Variants in PUM1 observed in about 807,000 individuals in gnomAD.
PUM1 encodes the protein pumilio RNA binding family member 1, also known as pumilio homolog 1.
PUM1 carries 13 observed loss-of-function variants against 131.8 expected under a neutral mutation model. That is an observed-to-expected ratio of 0.10 (90% CI 0.06 to 0.16). PUM1 has a LOEUF of 0.16. Among genes scored for constraint, PUM1 ranks in the 10% least tolerant of loss-of-function variants. The pLI is 1.00. For synonymous variants in PUM1, 509 were observed against 556.5 expected, an observed-to-expected ratio of 0.91 and a Z score of 1.20; for missense variants, 961 against 1,512.4, an observed-to-expected ratio of 0.64 and a Z score of 6.05.
chr1:30,987,763 G>A (rs1641624397), intron 7 of PUM1, among the ~76,000 whole-genome samples: 1 of 152,154 alleles, frequency 6.6e-6, no homozygotes, highest in Non-Finnish European at 1.5e-5. Context: ...GTACTTGGGT[G>A]GGTAATACTG....
Position 30,945,365 on chromosome 1 carries a change from A to G in PUM1, c.2975T>C (p.Ile992Thr). The change falls in exon 18 of 22, where the codon ATC becomes ACC. Residue 992 changes from isoleucine (I) to threonine (T), a missense_variant. This residue lies in a region of PUM1 where 178 missense variants were observed against 327.5 expected (regional missense o/e 0.54). Coordinates refer to ENST00000426105, the MANE Select transcript of PUM1 (RefSeq NM_001020658.2). ...ACTTACCTGTCCCTTAAACGCATCG[A>G]TGATAAATTGCAAAGACTGGGGCTG... ...CVQPQSLQFI[I>T]DAFKGQVFAL... is the part of the protein sequence containing the mutation. 6 of 1,614,196 alleles carry G rather than the reference A, an allele frequency of 3.7e-6. No individual in the cohort carries two copies. Among genetic ancestry groups the G allele is most frequent in the Non-Finnish European group, 5.1e-6 (6 of 1,180,028 alleles).
intron 2 of PUM1, among the ~76,000 whole-genome samples, chr1:31,051,267 G>A (rs978617735): frequency 6.6e-6 from 1 of 150,956 alleles, no homozygotes; most frequent in Non-Finnish European, 1.5e-5. Context: ...AGAAAAAGAA[G>A]GTACAAGTGG....
At chr1:31,056,136 G>A (rs1367925764) in intron 2 of PUM1, among the ~76,000 whole-genome samples, 2 of 152,108 alleles carry the variant, frequency 1.3e-5, no homozygotes, top group East Asian at 3.9e-4. Flanking sequence ...AACTCAACAG[G>A]TGTCCTATCA....
intron 5 of PUM1, among the ~76,000 whole-genome samples, chr1:31,002,828 T>C (rs1270777598): frequency 6.6e-6 from 1 of 152,208 alleles, no homozygotes; most frequent in African/African-American, 2.4e-5. Context: ...TTAGCCAGAA[T>C]GTATTCTTAT....
At chr1:30,947,145 A>G (rs1230085805) in intron 17 of PUM1, among the ~76,000 whole-genome samples, 1 of 152,228 alleles carries the variant, frequency 6.6e-6, no homozygotes, top group Non-Finnish European at 1.5e-5. Flanking sequence ...ACAAAACTAT[A>G]GACCTAGATT....
At chr1:31,038,986 T>TATATATATATATATATA (rs1557599381) in intron 2 of PUM1, among the ~76,000 whole-genome samples, 5 of 27,456 alleles carry the variant, frequency 1.8e-4, no homozygotes, top group African/African-American at 1.8e-3. Flanking sequence ...ATATATATAT[T>TATATATATATATATATA]TTTTTTTTTT....
intron 15 of PUM1, 77 bp downstream of exon 15, chr1:30,953,637 G>T: frequency 6.7e-7 from 1 of 1,490,736 alleles, no homozygotes; most frequent in Non-Finnish European, 9.2e-7. Context: ...ATTTATTTAA[G>T]TAGATACCCA....
chr1:31,011,201 ACACT>A lies in PUM1; in HGVS notation c.433-4103_433-4100del, dbSNP rs771774691. Among the ~76,000 whole-genome samples the A allele has an allele frequency of 2.3e-4, 34 of 149,222 alleles. 1 individual carries two copies. Among genetic ancestry groups the A allele is most frequent in the Middle Eastern group, 3.4e-3 (1 of 290 alleles). The stretch of plus-strand genomic sequence containing the variant: ...CACACACACACACACACACACACAC[ACACT>A]GTGCTGTTTTAAGCCACTAAATTTT... On this transcript the variant is annotated intron_variant, in intron 3 of 21. Coordinates refer to ENST00000426105, the MANE Select transcript of PUM1 (RefSeq NM_001020658.2).
At chr1:31,006,764 G>A (rs1642412986) in intron 4 of PUM1, among the ~76,000 whole-genome samples, 1 of 152,186 alleles carries the variant, frequency 6.6e-6, no homozygotes, top group South Asian at 2.1e-4. Flanking sequence ...TTTCAAATAA[G>A]ACCATTCCCC....
chr1:30,966,152 T>C lies in PUM1; in HGVS notation c.1916A>G (p.Asn639Ser). Residue 639 changes from asparagine to serine, a missense_variant, in exon 13 of 22, where the codon AAC becomes AGC. Physicochemically the swap from Asn to Ser is conservative, Grantham distance 46. This residue lies in a region of PUM1 where 654 missense variants were observed against 923.9 expected (regional missense o/e 0.71). Transcript: ENST00000426105. ...QPQPQQQPNN[N>S]LASSSFYGNN... ...GCCGTAGAAAGAACTGGATGCCAGG[T>C]TGTTATTGGGCTGCTGCTGGGGCTG... 4.3e-6 allele frequency: 7 copies of C among 1,614,018 alleles called. No individual in the cohort carries two copies. Among genetic ancestry groups the C allele is most frequent in the Non-Finnish European group, 5.9e-6 (7 of 1,179,986 alleles).
intron 7 of PUM1, among the ~76,000 whole-genome samples, chr1:30,983,274 G>T (rs185669701): frequency 1.4e-4 from 22 of 152,304 alleles, no homozygotes; most frequent in Admixed American, 8.5e-4. Flanking sequence ...TATTTCCAAG[G>T]TTGTGAAAAC....
At chr1:30,993,904 T>A (rs2124488483) in intron 6 of PUM1, among the ~76,000 whole-genome samples, 1 of 152,054 alleles carries the variant, frequency 6.6e-6, no homozygotes, top group South Asian at 2.1e-4. Flanking sequence ...ACCCCATCTC[T>A]ACAAAAGATA....
intron 2 of PUM1, among the ~76,000 whole-genome samples, chr1:31,038,976 A>ATT (rs1276496237): frequency 3.2e-5 from 1 of 30,886 alleles, no homozygotes; most frequent in African/African-American, 2.7e-4. Context: ...ATATATATAT[A>ATT]TATATATATT....
intron 10 of PUM1, among the ~76,000 whole-genome samples, chr1:30,969,316 C>CAAAAAAAAAAAA (rs763999971): frequency 3.4e-3 from 174 of 50,608 alleles, no homozygotes; most frequent in Middle Eastern, 8.8e-3. Context: ...AACACACACA[C>CAAAAAAAAAAAA]AAAAAAAAAA....
intron 14 of PUM1, among the ~76,000 whole-genome samples, chr1:30,955,256 C>A (rs1449177605): frequency 6.6e-6 from 1 of 150,544 alleles, no homozygotes; most frequent in Non-Finnish European, 1.5e-5. Flanking sequence ...GAGATCAAGA[C>A]CATCCTGGCT....
At chr1:31,054,061 T>C (rs1283703655) in intron 2 of PUM1, among the ~76,000 whole-genome samples, 1 of 119,726 alleles carries the variant, frequency 8.4e-6, no homozygotes, top group African/African-American at 3.3e-5. Flanking sequence ...GTCACTGCAC[T>C]CCAGCCTGGA....
At chr1:30,983,202 C>A (rs2124472312) in intron 7 of PUM1, among the ~76,000 whole-genome samples, 1 of 152,316 alleles carries the variant, frequency 6.6e-6, no homozygotes, top group African/African-American at 2.4e-5. Context: ...AGGAGGCAGT[C>A]CACCCAAGAG....
intron 2 of PUM1, among the ~76,000 whole-genome samples, chr1:31,029,911 TTC>T (rs1177710160): frequency 5.2e-5 from 4 of 76,664 alleles, no homozygotes; most frequent in Admixed American, 1.3e-4. Flanking sequence ...GAGATCCTTT[TTC>T]AAAAAAAAAA....
chr1:30,981,451 C>A (rs769216297), intron 7 of PUM1, 46 bp from the exon 8 acceptor site: 2 of 1,276,750 alleles, frequency 1.6e-6, no homozygotes, highest in Non-Finnish European at 1.1e-6. Context: ...AACTGTCTTA[C>A]AAAATCATTT....
Sources: gnomAD v4.1 joint callset for allele counts (sites outside exome capture counted in the v4.1 genomes callset) on GRCh38, gnomAD v4.1.1 for gene constraint, gnomAD v4.1.1 regional missense constraint, MANE v1.5 for transcripts, NCBI Gene and HGNC (gene_info 2026-07-23, HGNC 2026-07-21) for gene names.